Variants in TBC1D24 observed in about 807,000 individuals in gnomAD.
The protein encoded by TBC1D24 is TBC1 domain family member 24, also known as Infantile myoclonic epilepsy.
In TBC1D24, 47 loss-of-function variants were observed where a neutral mutation model predicts 50.7. The ratio of observed to expected loss-of-function variants is 0.93; its 90% confidence interval spans 0.73 to 1.18. TBC1D24 has a LOEUF of 1.18. Among genes scored for constraint, TBC1D24 ranks in the 50% most tolerant of loss-of-function variants. The pLI, the probability that TBC1D24 is intolerant of heterozygous loss-of-function variation, is 0.00. For missense variants in TBC1D24, 688 were observed against 766.5 expected (o/e 0.90, Z 1.21); for synonymous variants, 324 against 335.2 (o/e 0.97, Z 0.36).
rs201649140 is a variant in TBC1D24, at chr16:2,500,920, G to C, written c.1642G>C (p.Val548Leu). The C allele has an allele frequency of 6.2e-7, 1 of 1,612,710 alleles. No individual in the cohort carries two copies. Among genetic ancestry groups the C allele is most frequent in the East Asian group, 2.2e-5 (1 of 44,882 alleles). Residue 548 changes from valine (V) to leucine (L), a missense_variant, in exon 8 of 8, where the codon GTG becomes CTG. Val to Leu is a conservative substitution (Grantham distance 32). Transcript: ENST00000646147. This position sits in a 1 kb window ranked among gnomAD's most constrained non-coding sequence, Gnocchi z 8.0. ...LCSENFLIAA[V>L]EAWGFQDPDT... The stretch of plus-strand genomic sequence containing the variant: ...CTCCGAGAACTTCCTCATTGCTGCC[G>C]TGGAGGCCTGGGGCTTCCAGGACCC...
At position 2,496,479 on chromosome 16, in the gene TBC1D24, G is replaced by A. The variant is rs773211471; in HGVS notation, c.331G>A (p.Glu111Lys). The A allele has an allele frequency of 6.5e-5, 104 of 1,610,710 alleles. No homozygotes were observed. Among genetic ancestry groups the A allele is most frequent in the Admixed American group, 1.5e-4 (9 of 59,998 alleles). The change falls in exon 2 of 8, where the codon GAG becomes AAG. Residue 111 changes from glutamate (E) to lysine (K), a missense_variant. Transcript: ENST00000646147. ...VPSYCLNARG[E>K]GAVRKILLCL... ...CAGCTACTGCCTGAATGCACGCGGC[G>A]AGGGGGCCGTGCGCAAGATCCTCCT...
rs2065826835 is a variant in TBC1D24 at position 2,505,348 on chromosome 16, C to A, written c.*4390C>A. On this transcript the variant is annotated 3_prime_UTR_variant, in exon 8 of 8. Transcript: ENST00000646147. ...TACCAAACTATGGAATTTGTCAACA[C>A]CTTTTCTTGGGACCAAGGAAGCAAA... The A allele has an allele frequency of 1.3e-5, 2 of 152,186 alleles. No homozygotes were observed. Among genetic ancestry groups the A allele is most frequent in the Admixed American group, 6.6e-5 (1 of 15,264 alleles). The allele number at this position is 152,186 out of a possible 1,614,324, so 9.4% of individuals were successfully genotyped here.
At chr16:2,493,434 C>T (rs1228897522) in intron 1 of TBC1D24, among the ~76,000 whole-genome samples, 4 of 152,176 alleles carry the variant, frequency 2.6e-5, no homozygotes, top group Non-Finnish European at 5.9e-5. Context: ...CCACCGCGTC[C>T]GGCCTAACAT....
At position 2,482,831 on chromosome 16, in the gene TBC1D24, G is replaced by T. The variant is rs1596955454; in HGVS notation, c.-116+7661G>T. 6.6e-6 allele frequency among the ~76,000 whole-genome samples: 1 copy of T among 152,210 alleles called. No individual in the cohort carries two copies. Among genetic ancestry groups the T allele is most frequent in the Non-Finnish European group, 1.5e-5 (1 of 68,034 alleles). ...GCGGTGGAGGAGCAGCCGCGGAGAG[G>T]TGAGGGGATGCCTGGCAGGGAGGCA... On this transcript the variant is annotated intron_variant, in intron 1 of 7. Coordinates refer to ENST00000646147, the MANE Select transcript of TBC1D24 (RefSeq NM_001199107.2). This position sits in a 1 kb window ranked among gnomAD's most constrained non-coding sequence, Gnocchi z 5.2.
chr16:2,502,780 C>T lies in TBC1D24; in HGVS notation c.*1822C>T, dbSNP rs1402314451. The T allele has an allele frequency of 6.5e-6, 1 of 153,136 alleles. No individual in the cohort carries two copies. The highest frequency in any genetic ancestry group is 1.5e-5 in the Non-Finnish European group (1 of 68,146). The allele number at this position is 153,136 out of a possible 1,614,324, so 9.5% of individuals were successfully genotyped here. A position where few individuals can be genotyped will look rare whatever the true frequency, so the allele number is the denominator to read the frequency against. ...ACTCATCTCAGCCCACCGCAGCCCT[C>T]CAGGCCCCCGCCTGAGCCCCTGAGG... On this transcript the variant is annotated 3_prime_UTR_variant, in exon 8 of 8. Transcript: ENST00000646147.
At position 2,485,716 on chromosome 16, in the gene TBC1D24, C is replaced by T. The variant is rs2141858380; in HGVS notation, c.-115-10318C>T. On this transcript the variant is annotated intron_variant, in intron 1 of 7. Transcript: ENST00000646147. The surrounding 1 kb of genome is among the most constrained non-coding windows in gnomAD (Gnocchi z 4.6). ...CCGGTGTCGGGATTGAATTGGAGGA[C>T]ACCCTGCGGGCGCCCGCTGCAGAAT... 6.6e-6 allele frequency among the ~76,000 whole-genome samples: 1 copy of T among 152,328 alleles called. No individual in the cohort carries two copies. The highest frequency in any genetic ancestry group is 1.5e-5 in the Non-Finnish European group (1 of 68,012).
chr16:2,489,360 A>G (rs1456091162), intron 1 of TBC1D24, among the ~76,000 whole-genome samples: 1 of 152,144 alleles, frequency 6.6e-6, no homozygotes, highest in Non-Finnish European at 1.5e-5. Context: ...TGAACCCGGT[A>G]GGCGGAGTTT....
chr16:2,476,629 C>T (rs1274759286), intron 1 of TBC1D24: 1 of 152,260 alleles, frequency 6.6e-6, no homozygotes, highest in Non-Finnish European at 1.5e-5. Context: ...GGGCGGGAGC[C>T]ACGCTGTTCA....
intron 1 of TBC1D24, among the ~76,000 whole-genome samples, chr16:2,476,089 G>T (rs1328643029): frequency 6.6e-6 from 1 of 152,170 alleles, no homozygotes; most frequent in African/African-American, 2.4e-5. Context: ...TTCCAGTGCC[G>T]ATAGAAGCAC....
In TBC1D24 at chr16:2,491,742, G is replaced by T. The variant is rs567126018; in HGVS notation, c.-115-4292G>T. ...GCTAATTTTTTGTATTTTTAGTAGA[G>T]ACGGGGTTTTACCTGCTGGCCAGGC... On this transcript the variant is annotated intron_variant, in intron 1 of 7. Coordinates refer to ENST00000646147, the MANE Select transcript of TBC1D24 (RefSeq NM_001199107.2). Among the ~76,000 whole-genome samples the T allele has an allele frequency of 4.6e-5, 7 of 152,076 alleles. No individual in the cohort carries two copies. In the East Asian group the frequency reaches 1.3e-3, roughly 29 times the overall value.
In TBC1D24 at chr16:2,500,375, C is replaced by A. The variant is rs553497128; in HGVS notation, c.1410C>A (p.Ser470=). 8 of 1,607,488 alleles carry A rather than the reference C, an allele frequency of 5.0e-6. No individual in the cohort carries two copies. The East Asian group carries it at 1.8e-4, about 36-fold the overall frequency. ...AGCCCACCGCCCCACTCAGCCACTCCGCCTCCTCAGACCCCGCTGACCGCC... is the reference window on the plus strand; with the variant it reads ...AGCCCACCGCCCCACTCAGCCACTCAGCCTCCTCAGACCCCGCTGACCGCC... ...AAEPTAPLSH[S]ASSDPADRLS... is the part of the protein sequence containing the mutation. Residue 470 remains serine, a synonymous_variant, in exon 7 of 8, where the codon TCC becomes TCA. Coordinates refer to ENST00000646147, the MANE Select transcript of TBC1D24 (RefSeq NM_001199107.2). This position sits in a 1 kb window ranked among gnomAD's most constrained non-coding sequence, Gnocchi z 8.0.
intron 1 of TBC1D24, among the ~76,000 whole-genome samples, chr16:2,489,228 G>A (rs2065676762): frequency 6.6e-6 from 1 of 151,774 alleles, no homozygotes; most frequent in Admixed American, 6.6e-5. Context: ...TCAGGAGTTC[G>A]AGATCAGCCT....
chr16:2,491,982 G>A (rs571065807), intron 1 of TBC1D24, among the ~76,000 whole-genome samples: 1 of 152,144 alleles, frequency 6.6e-6, no homozygotes, highest in African/African-American at 2.4e-5. Flanking sequence ...GGGATTACAG[G>A]TGCATGCCAC....
chr16:2,497,374 C>A (rs1567412549), intron 2 of TBC1D24, among the ~76,000 whole-genome samples: 1 of 152,226 alleles, frequency 6.6e-6, no homozygotes. Flanking sequence ...CGCAAGGCAT[C>A]GTGGGAGGCC....
intron 1 of TBC1D24, chr16:2,476,651 C>T (rs1303128846): frequency 6.6e-6 from 1 of 152,290 alleles, no homozygotes; most frequent in Non-Finnish European, 1.5e-5. Context: ...CTTTGCTTCC[C>T]CACAGCCTGG....
Position 2,475,623 on chromosome 16 carries a change from C to A in TBC1D24, c.-116+453C>A, listed in dbSNP as rs2065560972. On this transcript the variant is annotated intron_variant, in intron 1 of 7. Transcript: ENST00000646147. This position sits in a 1 kb window ranked among gnomAD's most constrained non-coding sequence, Gnocchi z 4.2. The stretch of plus-strand genomic sequence containing the variant: ...GCCCCGGGCCCCGCCCCGCCCCGCC[C>A]AGGGATGACACACGCCCCCACCGAC... Among the ~76,000 whole-genome samples the A allele has an allele frequency of 6.6e-6, 1 of 152,070 alleles. No homozygotes were observed. Among genetic ancestry groups the A allele is most frequent in the South Asian group, 2.1e-4 (1 of 4,830 alleles).
At chr16:2,493,393 C>T (rs143804261) in intron 1 of TBC1D24, among the ~76,000 whole-genome samples, 3,722 of 152,176 alleles carry the variant, frequency 0.024, 141 homozygotes, top group African/African-American at 0.085. Context: ...CCCGCCTCGG[C>T]CTCCCAAAGT....
At position 2,496,562 on chromosome 16, in the gene TBC1D24, G is replaced by A. The variant is rs1015174831; in HGVS notation, c.414G>A (p.Val138=). 38 of 1,608,752 alleles carry A rather than the reference G, an allele frequency of 2.4e-5. No individual in the cohort carries two copies. Among genetic ancestry groups the A allele is most frequent in the Non-Finnish European group, 3.1e-5 (37 of 1,180,004 alleles). The change falls in exon 2 of 8, where the codon GTG becomes GTA. Residue 138 remains valine, a synonymous_variant. Transcript: ENST00000646147. ...ISFCPALPAV[V]ALLLHYSIDE... ...TCTGCCCCGCCCTGCCGGCCGTGGTGGCCCTGCTGCTGCACTACAGCATCG... is the reference window on the plus strand; with the variant it reads ...TCTGCCCCGCCCTGCCGGCCGTGGTAGCCCTGCTGCTGCACTACAGCATCG...
rs754724498 is a variant in TBC1D24, at chr16:2,500,506, C to T, written c.1525+16C>T. 1.9e-5 allele frequency: 29 copies of T among 1,547,498 alleles called. No individual in the cohort carries two copies. Among genetic ancestry groups the T allele is most frequent in the Admixed American group, 1.9e-5 (1 of 51,518 alleles). ...CTCATCGTCGGTGAGCGCCAGCAGACGGGGCTCTGGGATGAGGGTGTGGGG... is the reference window on the plus strand; with the variant it reads ...CTCATCGTCGGTGAGCGCCAGCAGATGGGGCTCTGGGATGAGGGTGTGGGG... On this transcript the variant is annotated intron_variant, in intron 7 of 7. Coordinates refer to ENST00000646147, the MANE Select transcript of TBC1D24 (RefSeq NM_001199107.2). This position sits in a 1 kb window ranked among gnomAD's most constrained non-coding sequence, Gnocchi z 8.0.
Sources: gnomAD v4.1 joint callset for allele counts (sites outside exome capture counted in the v4.1 genomes callset) on GRCh38, gnomAD v4.1.1 for gene constraint, Gnocchi (gnomAD v3.1) non-coding constraint, MANE v1.5 for transcripts, NCBI Gene and HGNC (gene_info 2026-07-23, HGNC 2026-07-21) for gene names.